AIG1: variants seen among roughly 807,000 people sequenced by gnomAD.
The protein encoded by AIG1 is androgen induced 1.
AIG1 carries 23 observed loss-of-function variants against 31.4 expected under a neutral mutation model. That is an observed-to-expected ratio of 0.73 (90% CI 0.53 to 1.04). The LOEUF (loss-of-function observed/expected upper bound fraction) is 1.04. AIG1 is among the 50% of genes least tolerant of loss of function. The pLI, the probability that AIG1 is intolerant of heterozygous loss-of-function variation, is 0.00. For synonymous variants in AIG1, 100 were observed against 110.5 expected, an observed-to-expected ratio of 0.90 and a Z score of 0.60; for missense variants, 274 against 295.0, an observed-to-expected ratio of 0.93 and a Z score of 0.52.
chr6:143,098,536 C>T (rs1456650038), intron 1 of AIG1, among the ~76,000 whole-genome samples: 10 of 152,214 alleles, frequency 6.6e-5, no homozygotes, highest in Admixed American at 6.5e-4. Flanking sequence ...CCTTGGGGAA[C>T]TCAACTAGCA....
chr6:143,060,449 G>C, upstream of AIG1: 2 of 226,330 alleles, frequency 8.8e-6, no homozygotes, highest in South Asian at 6.7e-5. Context: ...GTGGACACTG[G>C]GGTCCACTCC....
intron 1 of AIG1, among the ~76,000 whole-genome samples, chr6:143,076,672 A>C (rs561898484): frequency 5.4e-5 from 8 of 148,354 alleles, no homozygotes; most frequent in Non-Finnish European, 1.0e-4. Flanking sequence ...GGGTTATTTG[A>C]ATTTTTTTTT....
intron 3 of AIG1, among the ~76,000 whole-genome samples, chr6:143,220,995 T>C (rs1394774936): frequency 2.6e-5 from 4 of 151,902 alleles, no homozygotes; most frequent in Non-Finnish European, 5.9e-5. Context: ...GTTTTTATTG[T>C]TGTTGTTGTT....
chr6:143,107,831 A>G (rs562218369), intron 1 of AIG1, among the ~76,000 whole-genome samples: 7 of 152,214 alleles, frequency 4.6e-5, no homozygotes, highest in African/African-American at 1.7e-4. Flanking sequence ...TTTTAACTTC[A>G]TTTATCTTTT....
chr6:143,081,454 C>G (rs918890594), intron 1 of AIG1, among the ~76,000 whole-genome samples: 4 of 151,130 alleles, frequency 2.6e-5, no homozygotes, highest in African/African-American at 4.9e-5. Flanking sequence ...GTGAAAGTAC[C>G]CAGATTAGTA....
chr6:143,112,610 A>T (rs1353986981), intron 1 of AIG1, among the ~76,000 whole-genome samples: 1 of 152,204 alleles, frequency 6.6e-6, no homozygotes. Context: ...CAAGTACCAG[A>T]TGACAGGTAT....
chr6:143,121,912 A>T (rs190828110), intron 1 of AIG1, among the ~76,000 whole-genome samples: 1 of 152,314 alleles, frequency 6.6e-6, no homozygotes, highest in East Asian at 1.9e-4. Flanking sequence ...AAGCTTCCTA[A>T]TGTAAAATTT....
intron 4 of AIG1, among the ~76,000 whole-genome samples, chr6:143,303,966 G>A (rs1799043647): frequency 6.8e-6 from 1 of 146,634 alleles, no homozygotes; most frequent in Admixed American, 6.8e-5. Context: ...GGATTCCTAG[G>A]TATTTTATTC....
intron 2 of AIG1, among the ~76,000 whole-genome samples, chr6:143,145,347 C>A (rs1784612986): frequency 6.6e-6 from 1 of 152,132 alleles, no homozygotes; most frequent in South Asian, 2.1e-4. Context: ...GAGACTTGTA[C>A]ATTTTCTATT....
intron 3 of AIG1, among the ~76,000 whole-genome samples, chr6:143,274,198 T>C (rs140024260): frequency 6.6e-6 from 1 of 152,120 alleles, no homozygotes; most frequent in Admixed American, 6.5e-5. Context: ...TCATAGGAGA[T>C]CTACCCCTGG....
chr6:143,271,925 G>A (rs190220222), intron 3 of AIG1, among the ~76,000 whole-genome samples: 6 of 152,118 alleles, frequency 3.9e-5, no homozygotes, highest in Non-Finnish European at 5.9e-5. Flanking sequence ...AAAAGTTAAT[G>A]GAAAAAGAAG....
At chr6:143,267,361 G>A (rs1188835133) in intron 3 of AIG1, among the ~76,000 whole-genome samples, 2 of 152,134 alleles carry the variant, frequency 1.3e-5, no homozygotes, top group Admixed American at 1.3e-4. Flanking sequence ...ACACTTACTG[G>A]ATTGATTTTT....
chr6:143,236,847 T>G (rs1793844152), intron 3 of AIG1, among the ~76,000 whole-genome samples: 1 of 152,170 alleles, frequency 6.6e-6, no homozygotes, highest in African/African-American at 2.4e-5. Flanking sequence ...CTTAAGAAAT[T>G]TTTTTCACCA....
At chr6:143,081,200 T>A (rs557371337) in intron 1 of AIG1, among the ~76,000 whole-genome samples, 2 of 152,198 alleles carry the variant, frequency 1.3e-5, no homozygotes, top group African/African-American at 4.8e-5. Context: ...TTTTTAGATG[T>A]CGTTTGAGTG....
intron 1 of AIG1, among the ~76,000 whole-genome samples, chr6:143,096,954 A>G (rs1779851922): frequency 6.6e-6 from 1 of 151,938 alleles, no homozygotes; most frequent in Admixed American, 6.6e-5. Flanking sequence ...TTATACATTT[A>G]ATTTTTCTAT....
chr6:143,193,328 TTCTG>T (rs1789954581), intron 3 of AIG1, among the ~76,000 whole-genome samples: 1 of 152,214 alleles, frequency 6.6e-6, no homozygotes, highest in African/African-American at 2.4e-5. Context: ...CAATACAGTT[TTCTG>T]TCTTTCATTC....
intron 1 of AIG1, among the ~76,000 whole-genome samples, chr6:143,067,177 A>T (rs866277157): frequency 6.7e-6 from 1 of 149,380 alleles, no homozygotes; most frequent in Non-Finnish European, 1.5e-5. Flanking sequence ...AAATAAAAAT[A>T]AAAAAAAAAC....
intron 2 of AIG1, among the ~76,000 whole-genome samples, chr6:143,138,045 C>G (rs762755556): frequency 6.6e-6 from 1 of 152,212 alleles, no homozygotes; most frequent in African/African-American, 2.4e-5. Flanking sequence ...TTAGTAGACA[C>G]TCAGATGGTC....
At chr6:143,127,034 C>A (rs1414671586) in intron 1 of AIG1, among the ~76,000 whole-genome samples, 1 of 152,130 alleles carries the variant, frequency 6.6e-6, no homozygotes, top group Non-Finnish European at 1.5e-5. Context: ...TCTATCTAGA[C>A]ATATGTGACT....
Sources: gnomAD v4.1 joint callset for allele counts (sites outside exome capture counted in the v4.1 genomes callset) on GRCh38, gnomAD v4.1.1 for gene constraint, MANE v1.5 for transcripts, NCBI Gene and HGNC (gene_info 2026-07-23, HGNC 2026-07-21) for gene names.